The following PCDH11Y variants were observed in gnomAD, a reference collection of about 807,000 sequenced individuals.
The protein encoded by PCDH11Y is protocadherin-11 Y-linked.
For missense variants in PCDH11Y, 12 were observed against 224.8 expected (o/e 0.05, Z 6.05); for synonymous variants, 9 against 83.6 (o/e 0.11, Z 4.87).
At chrY:5,209,523 AG>A (rs2052936129) in intron 2 of PCDH11Y, among the ~76,000 whole-genome samples, 1 of 32,647 alleles carries the variant, frequency 3.1e-5, no homozygotes, top group Admixed American at 2.8e-4. Flanking sequence ...CCTTGGTTTG[AG>A]GAACCATAAG....
At chrY:5,159,625 G>C in intron 2 of PCDH11Y, among the ~76,000 whole-genome samples, 1 of 26,885 alleles carries the variant, frequency 3.7e-5, no homozygotes, top group African/African-American at 1.5e-4. Flanking sequence ...ATGGTTGCAG[G>C]GGGCCTTTAA....
intron 2 of PCDH11Y, among the ~76,000 whole-genome samples, chrY:5,388,856 T>A (rs2053218857): frequency 5.6e-4 from 19 of 34,196 alleles, no homozygotes; most frequent in Non-Finnish European, 1.2e-3. Flanking sequence ...AAATTTTAAT[T>A]ACTGTATTAT....
At chrY:5,094,314 T>C in intron 1 of PCDH11Y, among the ~76,000 whole-genome samples, 1 of 31,735 alleles carries the variant, frequency 3.2e-5, no homozygotes, top group African/African-American at 1.2e-4. Flanking sequence ...TTATTCTTTA[T>C]TCCTGAAGGA....
intron 1 of PCDH11Y, among the ~76,000 whole-genome samples, chrY:5,097,144 T>TAAA (rs772129829): frequency 7.3e-5 from 1 of 13,636 alleles, no homozygotes; most frequent in Admixed American, 6.9e-4. Context: ...GCTTGCATGT[T>TAAA]AAAAAAAAAA....
At chrY:5,096,439 G>A in intron 1 of PCDH11Y, among the ~76,000 whole-genome samples, 2 of 16,794 alleles carry the variant, frequency 1.2e-4, no homozygotes, top group African/African-American at 4.1e-4. Context: ...TTAGATGTAC[G>A]TGTGTGTGTG....
chrY:5,513,178 T>C, intron 3 of PCDH11Y, among the ~76,000 whole-genome samples: 3 of 31,710 alleles, frequency 9.5e-5, no homozygotes, highest in Non-Finnish European at 1.5e-4. Context: ...CTACAGGCAC[T>C]GGCCACCACG....
chrY:5,037,047 G>A, intron 3 of PCDH11Y: 1 of 79,805 alleles, frequency 1.3e-5, no homozygotes, highest in Middle Eastern at 2.0e-3. Flanking sequence ...ACTTGGTAAT[G>A]ACTATGTGAA....
chrY:5,013,282 C>A (rs1279026076), intron 1 of PCDH11Y, among the ~76,000 whole-genome samples: 767 of 33,505 alleles, frequency 0.023, no homozygotes, highest in Non-Finnish European at 0.043. Flanking sequence ...TGGCCTGATC[C>A]AGCAAATATT....
intron 2 of PCDH11Y, among the ~76,000 whole-genome samples, chrY:5,128,421 C>T: frequency 3.1e-5 from 1 of 31,872 alleles, no homozygotes; most frequent in Non-Finnish European, 7.7e-5. Flanking sequence ...GAAGACTTCA[C>T]CTTCTGTCAC....
chrY:5,554,538 T>C (rs2053421889), intron 3 of PCDH11Y, among the ~76,000 whole-genome samples: 1 of 33,004 alleles, frequency 3.0e-5, no homozygotes, highest in East Asian at 8.3e-4. Flanking sequence ...CCTGGAGGCC[T>C]ATGAGGGAAA....
chrY:5,183,212 T>C (rs1602882106), intron 2 of PCDH11Y, among the ~76,000 whole-genome samples: 7 of 33,453 alleles, frequency 2.1e-4, no homozygotes, highest in African/African-American at 8.2e-4. Context: ...GCGCAATCAC[T>C]ACCACTTCCC....
At chrY:5,597,604 A>G in intron 4 of PCDH11Y, among the ~76,000 whole-genome samples, 2 of 29,248 alleles carry the variant, frequency 6.8e-5, no homozygotes, top group Non-Finnish European at 1.6e-4. Context: ...AGGTGGTATC[A>G]TATATATATA....
chrY:5,379,053 T>C, intron 2 of PCDH11Y, among the ~76,000 whole-genome samples: 1 of 31,604 alleles, frequency 3.2e-5, no homozygotes, highest in Non-Finnish European at 7.7e-5. Context: ...TGAATTCAAT[T>C]TTGATGAATG....
intron 2 of PCDH11Y, among the ~76,000 whole-genome samples, chrY:5,401,452 T>G (rs2124677086): frequency 3.0e-5 from 1 of 33,071 alleles, no homozygotes; most frequent in African/African-American, 1.2e-4. Context: ...TGTATTTTAC[T>G]TTAAGTTTCA....
intron 2 of PCDH11Y, among the ~76,000 whole-genome samples, chrY:5,369,776 T>C (rs2053185700): frequency 3.0e-5 from 1 of 33,331 alleles, no homozygotes; most frequent in Non-Finnish European, 7.4e-5. Context: ...ACCTTTGAAC[T>C]GGATCTACAA....
intron 2 of PCDH11Y, among the ~76,000 whole-genome samples, chrY:5,261,403 A>T: frequency 3.0e-5 from 1 of 32,897 alleles, no homozygotes; most frequent in Admixed American, 2.8e-4. Context: ...TCTGATAGTG[A>T]TAAGGACAAT....
At chrY:5,661,970 G>A (rs2124707337) in intron 4 of PCDH11Y, among the ~76,000 whole-genome samples, 1 of 32,462 alleles carries the variant, frequency 3.1e-5, no homozygotes, top group East Asian at 8.1e-4. Flanking sequence ...TCTGGTAACT[G>A]TTGTACTCTG....
In PCDH11Y at chrY:5,184,840, C is replaced by A. The variant is rs2052904724; in HGVS notation, c.3129+84133C>A. Among the ~76,000 whole-genome samples the A allele has an allele frequency of 7.1e-4, 16 of 22,642 alleles. No homozygotes were observed. In the South Asian group the frequency reaches 0.018, roughly 25 times the overall value. 60.7% of individuals were successfully genotyped at this position (22,642 alleles called of 37,273 possible). A position where few individuals can be genotyped will look rare whatever the true frequency, so the allele number is the denominator to read the frequency against. Reference sequence around the variant, plus strand: ...TTCTTATATATTTTAGATATTAACCCCCTACGAGATAAACATTTTCTTTCA... The same window carrying A: ...TTCTTATATATTTTAGATATTAACCACCTACGAGATAAACATTTTCTTTCA... On this transcript the variant is annotated intron_variant, in intron 2 of 4. Coordinates refer to the PCDH11Y transcript ENST00000400457.
upstream of PCDH11Y, among the ~76,000 whole-genome samples, chrY:5,053,984 G>A: frequency 3.4e-5 from 1 of 29,556 alleles, no homozygotes; most frequent in Admixed American, 3.2e-4. Flanking sequence ...GTTAATGGGT[G>A]CAGCACACCA....
Sources: allele counts gnomAD v4.1 joint callset (sites outside exome capture counted in the v4.1 genomes callset), GRCh38; gene constraint gnomAD v4.1.1; transcripts MANE v1.5; gene names NCBI Gene and HGNC (gene_info 2026-07-23, HGNC 2026-07-21).